The following NCKAP5 variants were observed in gnomAD, a reference collection of about 807,000 sequenced individuals.
NCKAP5 encodes the protein NCK associated protein 5.
A neutral mutation model predicts 167.0 loss-of-function variants in NCKAP5; 92 were observed. That is an observed-to-expected ratio of 0.55 (90% confidence interval 0.47 to 0.66). The LOEUF (loss-of-function observed/expected upper bound fraction) is 0.66. Among genes scored for constraint, NCKAP5 ranks in the 30% least tolerant of loss-of-function variants. The pLI is 0.00. For synonymous variants in NCKAP5, 891 were observed against 877.4 expected, an observed-to-expected ratio of 1.02 and a Z score of -0.27; for missense variants, 2,378 against 2,315.0, an observed-to-expected ratio of 1.03 and a Z score of -0.56.
At chr2:132,886,851 G>A (rs879550737) in intron 8 of NCKAP5, among the ~76,000 whole-genome samples, 2 of 152,122 alleles carry the variant, frequency 1.3e-5, no homozygotes, top group African/African-American at 4.8e-5. Context: ...CTTTTTGAGA[G>A]CCAACATGAA....
At chr2:133,268,843 A>G (rs1270489865) in intron 4 of NCKAP5, 2 of 152,206 alleles carry the variant, frequency 1.3e-5, no homozygotes, top group African/African-American at 4.8e-5. Context: ...GTTTATTACT[A>G]TTCAATAAAA....
chr2:133,055,898 G>C (rs1440083886), intron 6 of NCKAP5, among the ~76,000 whole-genome samples: 2 of 152,094 alleles, frequency 1.3e-5, no homozygotes, highest in African/African-American at 4.8e-5. Context: ...CTTGCTTAGA[G>C]GGTGTTTATT....
chr2:133,502,397 G>C (rs1370284258), intron 3 of NCKAP5, among the ~76,000 whole-genome samples: 1 of 152,088 alleles, frequency 6.6e-6, no homozygotes, highest in Non-Finnish European at 1.5e-5. Context: ...GAGAACATTG[G>C]ATCAAAGGCA....
chr2:132,771,881 C>G (rs1191939230), intron 16 of NCKAP5, among the ~76,000 whole-genome samples: 1 of 124,280 alleles, frequency 8.0e-6, no homozygotes, highest in Non-Finnish European at 1.6e-5. Flanking sequence ...TTAGTAGAGA[C>G]AGGGTTTCAC....
intron 15 of NCKAP5, among the ~76,000 whole-genome samples, chr2:132,775,502 G>A (rs1011191572): frequency 6.6e-6 from 1 of 152,186 alleles, no homozygotes. Context: ...TAATCTGTGG[G>A]CATTTCCCTG....
intron 11 of NCKAP5, among the ~76,000 whole-genome samples, chr2:132,859,564 G>C (rs1032030576): frequency 6.6e-6 from 1 of 152,100 alleles, no homozygotes; most frequent in Non-Finnish European, 1.5e-5. Context: ...AATTTAAATA[G>C]CCCTACATGG....
At chr2:132,963,896 C>T (rs1303057624) in intron 7 of NCKAP5, 27 bp from the exon 8 acceptor site, 1 of 1,611,406 alleles carries the variant, frequency 6.2e-7, no homozygotes, top group Admixed American at 1.7e-5. Context: ...TTACTGTTTT[C>T]AATAATCTCC....
At chr2:133,399,168 G>A (rs769974691) in intron 3 of NCKAP5, among the ~76,000 whole-genome samples, 1 of 152,136 alleles carries the variant, frequency 6.6e-6, no homozygotes, top group African/African-American at 2.4e-5. Context: ...CCCTGATGAG[G>A]TTCTGCTTCT....
chr2:133,437,367 A>C (rs947984985), intron 3 of NCKAP5, among the ~76,000 whole-genome samples: 1 of 151,850 alleles, frequency 6.6e-6, no homozygotes, highest in African/African-American at 2.4e-5. Context: ...AAAAAAAAAG[A>C]AGGAAAGAAT....
chr2:133,590,266 A>C, the NCKAP5 span, among the ~76,000 whole-genome samples: 2 of 151,914 alleles, frequency 1.3e-5, no homozygotes, highest in Admixed American at 6.6e-5. Flanking sequence ...CGAGGTGGGC[A>C]GATCACGAGG....
chr2:132,818,925 C>A (rs181259745), intron 11 of NCKAP5, among the ~76,000 whole-genome samples: 2 of 152,244 alleles, frequency 1.3e-5, no homozygotes, highest in African/African-American at 2.4e-5. Flanking sequence ...TTGCCTCTTG[C>A]GCTTGCTATT....
chr2:133,456,297 G>A (rs541969743), intron 3 of NCKAP5, among the ~76,000 whole-genome samples: 1 of 152,284 alleles, frequency 6.6e-6, no homozygotes, highest in East Asian at 1.9e-4. Flanking sequence ...GTAAGTAGGA[G>A]GCACTGATTG....
intron 4 of NCKAP5, among the ~76,000 whole-genome samples, chr2:133,271,086 A>ATT (rs67497565): frequency 1.3e-4 from 17 of 130,816 alleles, no homozygotes; most frequent in East Asian, 4.6e-4. Flanking sequence ...GGCCCGGCTA[A>ATT]TTTTTTTTTT....
chr2:133,220,867 T>C (rs1170470876), intron 4 of NCKAP5, among the ~76,000 whole-genome samples: 1 of 152,148 alleles, frequency 6.6e-6, no homozygotes, highest in Non-Finnish European at 1.5e-5. Context: ...CCAGGACTTA[T>C]ACCCAACCTG....
chr2:133,175,175 T>C (rs2084405488), intron 5 of NCKAP5, among the ~76,000 whole-genome samples: 1 of 152,232 alleles, frequency 6.6e-6, no homozygotes, highest in African/African-American at 2.4e-5. Context: ...GAATCATATG[T>C]GCATGTCTCC....
At chr2:133,513,347 G>A (rs945160332) in intron 3 of NCKAP5, among the ~76,000 whole-genome samples, 1 of 152,214 alleles carries the variant, frequency 6.6e-6, no homozygotes, top group East Asian at 1.9e-4. Context: ...ACCAAGCAGG[G>A]TGAGAGTGGG....
chr2:133,455,095 A>G (rs2151210347), intron 3 of NCKAP5, among the ~76,000 whole-genome samples: 1 of 152,266 alleles, frequency 6.6e-6, no homozygotes, highest in South Asian at 2.1e-4. Context: ...TAGCCACAAC[A>G]TGTCCATCCA....
At chr2:133,006,977 T>C (rs192205847) in intron 6 of NCKAP5, among the ~76,000 whole-genome samples, 9 of 152,258 alleles carry the variant, frequency 5.9e-5, no homozygotes, top group African/African-American at 1.7e-4. Flanking sequence ...TATTTCAGAG[T>C]AGCTTCTCTT....
At chr2:133,159,313 T>C (rs2083696439) in intron 5 of NCKAP5, among the ~76,000 whole-genome samples, 1 of 152,166 alleles carries the variant, frequency 6.6e-6, no homozygotes, top group Admixed American at 6.5e-5. Context: ...GCCAACAACC[T>C]GAGTGAATCT....
Sources: gnomAD v4.1 joint callset for allele counts (sites outside exome capture counted in the v4.1 genomes callset) on GRCh38, gnomAD v4.1.1 for gene constraint, MANE v1.5 for transcripts, NCBI Gene and HGNC (gene_info 2026-07-23, HGNC 2026-07-21) for gene names.